The following RBFOX1 variants were observed in gnomAD, a reference collection of about 807,000 sequenced individuals.
RBFOX1 encodes RNA binding protein fox-1 homolog 1.
RBFOX1 carries 8 observed loss-of-function variants against 57.7 expected under a neutral mutation model. The ratio of observed to expected loss-of-function variants is 0.14; its 90% confidence interval spans 0.08 to 0.25. The LOEUF is 0.25. Among genes scored for constraint, RBFOX1 ranks in the 10% least tolerant of loss-of-function variants. RBFOX1 has a pLI of 1.00. For synonymous variants in RBFOX1, 326 were observed against 222.4 expected, an observed-to-expected ratio of 1.47 and a Z score of -4.15; for missense variants, 611 against 548.5, an observed-to-expected ratio of 1.11 and a Z score of -1.14.
At chr16:7,461,234 C>G (rs540320527) in intron 4 of RBFOX1, among the ~76,000 whole-genome samples, 1 of 151,708 alleles carries the variant, frequency 6.6e-6, no homozygotes, top group Admixed American at 6.6e-5. Context: ...GTGGCACTAT[C>G]TCGGCTCACT....
At chr16:7,348,099 T>C (rs2097053365) in intron 4 of RBFOX1, among the ~76,000 whole-genome samples, 1 of 152,218 alleles carries the variant, frequency 6.6e-6, no homozygotes, top group Middle Eastern at 3.2e-3. Context: ...TTTTAAAACA[T>C]TGTTGCTTAC....
At chr16:5,318,873 C>T (rs182274612) in intron 1 of RBFOX1, among the ~76,000 whole-genome samples, 90 of 152,306 alleles carry the variant, frequency 5.9e-4, no homozygotes, top group African/African-American at 2.1e-3. Context: ...TGGCTCATGC[C>T]TGTAATCCAA....
chr16:7,372,566 G>A (rs1242195760), intron 4 of RBFOX1, among the ~76,000 whole-genome samples: 3 of 152,186 alleles, frequency 2.0e-5, no homozygotes, highest in African/African-American at 4.8e-5. Context: ...TCTGGAGAAG[G>A]ATTGCATCTG....
chr16:7,037,332 C>T (rs971420051), intron 3 of RBFOX1, among the ~76,000 whole-genome samples: 2 of 144,892 alleles, frequency 1.4e-5, no homozygotes, highest in African/African-American at 5.2e-5. Flanking sequence ...ACCTCCACTT[C>T]CCAGGTTCAA....
chr16:6,483,366 A>AGGCGCGC (rs1005447551), intron 2 of RBFOX1: 2 of 1,504,568 alleles, frequency 1.3e-6, no homozygotes, highest in Non-Finnish European at 1.8e-6. Context: ...GGGCGAGCGA[A>AGGCGCGC]GGCGCGCGGC....
intron 3 of RBFOX1, among the ~76,000 whole-genome samples, chr16:6,912,979 G>C (rs1037075873): frequency 6.6e-6 from 1 of 151,992 alleles, no homozygotes; most frequent in Non-Finnish European, 1.5e-5. Context: ...TCATCTGGCT[G>C]TTACCCAACA....
At chr16:6,353,539 C>G (rs536440703) in intron 2 of RBFOX1, among the ~76,000 whole-genome samples, 2 of 151,954 alleles carry the variant, frequency 1.3e-5, no homozygotes, top group South Asian at 2.1e-4. Flanking sequence ...TCTCAGGAGA[C>G]TTTGCTGGAC....
chr16:5,393,546 G>C (rs1214218215), intron 1 of RBFOX1, among the ~76,000 whole-genome samples: 1 of 152,168 alleles, frequency 6.6e-6, no homozygotes, highest in Non-Finnish European at 1.5e-5. Flanking sequence ...GTCTTTCTGA[G>C]GATTTTGTCC....
At chr16:7,637,760 A>G (rs1376322389) in intron 11 of RBFOX1, among the ~76,000 whole-genome samples, 1 of 152,070 alleles carries the variant, frequency 6.6e-6, no homozygotes, top group East Asian at 1.9e-4. Flanking sequence ...CTACTATTTT[A>G]TGGAGGGGGT....
chr16:6,139,945 C>G (rs938631129), intron 1 of RBFOX1, among the ~76,000 whole-genome samples: 1 of 152,160 alleles, frequency 6.6e-6, no homozygotes, highest in Non-Finnish European at 1.5e-5. Flanking sequence ...CAAAGATGGT[C>G]TTGATGAGAG....
chr16:6,103,172 C>T (rs1011690243), intron 1 of RBFOX1, among the ~76,000 whole-genome samples: 22 of 152,304 alleles, frequency 1.4e-4, no homozygotes, highest in African/African-American at 5.3e-4. Flanking sequence ...AAGCCAGTTC[C>T]ATCCAAGTCA....
intron 4 of RBFOX1, among the ~76,000 whole-genome samples, chr16:7,207,846 C>T (rs545513252): frequency 6.6e-6 from 1 of 152,220 alleles, no homozygotes; most frequent in African/African-American, 2.4e-5. Flanking sequence ...GAATATCTTA[C>T]CTTTATTCAG....
intron 2 of RBFOX1, among the ~76,000 whole-genome samples, chr16:5,579,968 A>G (rs1296024416): frequency 2.6e-5 from 4 of 152,126 alleles, no homozygotes; most frequent in Admixed American, 6.5e-5. Flanking sequence ...ACGGGGTTTC[A>G]CCAACATGGC....
At chr16:5,368,699 G>C (rs565135868) in intron 1 of RBFOX1, among the ~76,000 whole-genome samples, 1 of 152,244 alleles carries the variant, frequency 6.6e-6, no homozygotes, top group South Asian at 2.1e-4. Context: ...TTTCAGGGGG[G>C]CAGGAGGGGC....
chr16:5,327,838 A>C (rs968513890), intron 1 of RBFOX1, among the ~76,000 whole-genome samples: 1 of 152,228 alleles, frequency 6.6e-6, no homozygotes, highest in Non-Finnish European at 1.5e-5. Context: ...ACTCATCCAT[A>C]GTTAAAACAT....
intron 14 of RBFOX1, among the ~76,000 whole-genome samples, chr16:7,680,407 C>G (rs2074431628): frequency 6.6e-6 from 1 of 152,142 alleles, no homozygotes; most frequent in African/African-American, 2.4e-5. Context: ...GTCCTGCTTG[C>G]TAACACTCTT....
chr16:7,709,316 A>T (rs1295469085), intron 15 of RBFOX1, among the ~76,000 whole-genome samples, 185 bp downstream of exon 15: 1 of 152,220 alleles, frequency 6.6e-6, no homozygotes, highest in African/African-American at 2.4e-5. Flanking sequence ...ATTTCTTGGC[A>T]ATGTAGTGCA....
At position 6,796,921 on chromosome 16, in the gene RBFOX1, C is replaced by G. The variant is rs185156476; in HGVS notation, c.-16+142271C>G. On this transcript the variant is annotated intron_variant, in intron 3 of 15. Transcript: ENST00000550418. Reference sequence around the variant, plus strand: ...CTATGTCTCCACCCCCTTTCTTCCACATCTCAAATTGGAAATCATTGAGTA... The same window carrying G: ...CTATGTCTCCACCCCCTTTCTTCCAGATCTCAAATTGGAAATCATTGAGTA... 3.9e-5 allele frequency among the ~76,000 whole-genome samples: 6 copies of G among 152,290 alleles called. No individual in the cohort carries two copies. The East Asian group carries it at 1.2e-3, about 29-fold the overall frequency.
intron 4 of RBFOX1, among the ~76,000 whole-genome samples, chr16:7,160,928 T>C (rs768028835): frequency 4.6e-5 from 7 of 152,280 alleles, no homozygotes; most frequent in Middle Eastern, 3.4e-3. Flanking sequence ...CTTTTACTTA[T>C]GTGTAGCTAA....
Sources: gnomAD v4.1 joint callset for allele counts (sites outside exome capture counted in the v4.1 genomes callset) on GRCh38, gnomAD v4.1.1 for gene constraint, MANE v1.5 for transcripts, NCBI Gene and HGNC (gene_info 2026-07-23, HGNC 2026-07-21) for gene names.